The following SPAG9 variants were observed in gnomAD, a reference collection of about 807,000 sequenced individuals.
The protein encoded by SPAG9 is sperm associated antigen 9.
A neutral mutation model predicts 166.5 loss-of-function variants in SPAG9; 35 were observed. The ratio of observed to expected loss-of-function variants is 0.21; its 90% confidence interval spans 0.16 to 0.28. SPAG9 has a LOEUF of 0.28. SPAG9 is among the 10% of genes least tolerant of loss of function. The probability of loss-of-function intolerance (pLI) is 1.00; values close to 1 mark genes in which losing one functional copy is unlikely to be tolerated. For synonymous variants in SPAG9, 534 were observed against 565.5 expected (o/e 0.94, Z 0.79); for missense variants, 1,235 against 1,603.3 (o/e 0.77, Z 3.92).
chr17:51,073,906 G>A (rs539683010), intron 2 of SPAG9, among the ~76,000 whole-genome samples: 1 of 151,554 alleles, frequency 6.6e-6, no homozygotes, highest in African/African-American at 2.4e-5. Flanking sequence ...TTCGAGACCA[G>A]CCTGGCCAAT....
intron 27 of SPAG9, among the ~76,000 whole-genome samples, chr17:50,976,115 T>C (rs1974188500): frequency 6.6e-6 from 1 of 152,084 alleles, no homozygotes; most frequent in Admixed American, 6.5e-5. Flanking sequence ...AAGGAAAATC[T>C]GATTTATGGT....
chr17:51,094,178 G>A (rs1044200293), intron 1 of SPAG9, among the ~76,000 whole-genome samples: 3 of 152,184 alleles, frequency 2.0e-5, no homozygotes, highest in Non-Finnish European at 2.9e-5. Flanking sequence ...ATTGAAATCT[G>A]GGTTGCCAAG....
chr17:51,084,647 G>C (rs1018032647), intron 1 of SPAG9, among the ~76,000 whole-genome samples: 3 of 152,084 alleles, frequency 2.0e-5, no homozygotes, highest in Admixed American at 2.0e-4. Context: ...GACCTCAAGC[G>C]ATCTGCCTGT....
chr17:50,999,816 A>G (rs2044851708), intron 13 of SPAG9, 99 bp from the exon 14 acceptor site: 1 of 908,444 alleles, frequency 1.1e-6, no homozygotes, highest in Middle Eastern at 2.2e-4. Flanking sequence ...GGATACACAG[A>G]GGGGAGTCAA....
At chr17:51,089,020 T>A (rs1043198038) in intron 1 of SPAG9, among the ~76,000 whole-genome samples, 2 of 146,200 alleles carry the variant, frequency 1.4e-5, no homozygotes, top group Non-Finnish European at 1.5e-5. Context: ...TTGAACCTGG[T>A]AGGCAGGGGT....
intron 1 of SPAG9, chr17:51,085,561 A>G (rs2048282816): frequency 6.6e-6 from 1 of 152,226 alleles, no homozygotes; most frequent in Non-Finnish European, 1.5e-5. Flanking sequence ...TATTATCTCC[A>G]AAGAGAAATC....
intron 2 of SPAG9, among the ~76,000 whole-genome samples, chr17:51,075,868 T>C (rs1427315878): frequency 1.3e-5 from 2 of 150,554 alleles, no homozygotes; most frequent in South Asian, 2.1e-4. Context: ...GGCCGAGGCA[T>C]GTGGATCACG....
intron 1 of SPAG9, among the ~76,000 whole-genome samples, chr17:51,116,048 T>C (rs2049279189): frequency 6.6e-6 from 1 of 152,032 alleles, no homozygotes; most frequent in African/African-American, 2.4e-5. Context: ...TCTTTTTTTT[T>C]TCTTTTTTCT....
chr17:51,046,355 A>G, intron 4 of SPAG9: 1 of 621,316 alleles, frequency 1.6e-6, no homozygotes, highest in Non-Finnish European at 2.8e-6. Flanking sequence ...TCTATAAATT[A>G]CTATAAATTA....
At position 50,964,116 on chromosome 17, in the gene SPAG9, A is replaced by G. The variant is rs1352665178; in HGVS notation, c.*2156T>C. 6.6e-6 allele frequency: 1 copy of G among 152,096 alleles called. No individual in the cohort carries two copies. The highest frequency in any genetic ancestry group is 1.5e-5 in the Non-Finnish European group (1 of 68,034). The allele number at this position is 152,096 out of a possible 1,614,324, so 9.4% of individuals were successfully genotyped here. A position where few individuals can be genotyped will look rare whatever the true frequency, so the allele number is the denominator to read the frequency against. The stretch of plus-strand genomic sequence containing the variant: ...GTGTATATGCATAAAAGCCACTGGT[A>G]TACTTTTTACAGACATCTTTGTATA... On this transcript the variant is annotated 3_prime_UTR_variant, in exon 30 of 30. Coordinates refer to ENST00000262013, the MANE Select transcript of SPAG9 (RefSeq NM_001130528.3).
At chr17:51,108,386 C>CAA (rs71355710) in intron 1 of SPAG9, among the ~76,000 whole-genome samples, 45 of 119,306 alleles carry the variant, frequency 3.8e-4, no homozygotes, top group South Asian at 1.9e-3. Context: ...AAGACTGTCT[C>CAA]AAAAAAAAAA....
At chr17:50,994,624 G>A (rs1975910521) in intron 18 of SPAG9, among the ~76,000 whole-genome samples, 1 of 152,076 alleles carries the variant, frequency 6.6e-6, no homozygotes, top group East Asian at 1.9e-4. Context: ...TGGTGTGGGT[G>A]TGTAGTCCCA....
At chr17:51,103,611 A>T (rs1598187450) in intron 1 of SPAG9, among the ~76,000 whole-genome samples, 1 of 152,196 alleles carries the variant, frequency 6.6e-6, no homozygotes, top group Non-Finnish European at 1.5e-5. Context: ...TTAGGAACTT[A>T]AGTCATTTTC....
intron 1 of SPAG9, among the ~76,000 whole-genome samples, chr17:51,095,977 A>ATAGT (rs1212925700): frequency 4.1e-5 from 1 of 24,566 alleles, no homozygotes; most frequent in African/African-American, 3.3e-4. Flanking sequence ...ATATAGTGAT[A>ATAGT]TATATATATA....
At chr17:50,969,457 T>C (rs1002349463) in intron 29 of SPAG9, among the ~76,000 whole-genome samples, 3 of 152,164 alleles carry the variant, frequency 2.0e-5, no homozygotes, top group Admixed American at 2.0e-4. Flanking sequence ...CATTCACTTG[T>C]TCCCAACTCA....
intron 26 of SPAG9, among the ~76,000 whole-genome samples, chr17:50,979,213 GAA>G (rs747797287): frequency 6.6e-5 from 9 of 135,350 alleles, no homozygotes; most frequent in Admixed American, 7.4e-5. Context: ...ATTTCTACAG[GAA>G]AAAAAAAAAA....
At chr17:51,041,754 C>T (rs765998658) in intron 4 of SPAG9, 103 bp from the exon 5 acceptor site, 5 of 1,074,768 alleles carry the variant, frequency 4.7e-6, no homozygotes, top group Non-Finnish European at 6.8e-6. Context: ...TTACAACCAT[C>T]ACTCAAAAAT....
intron 1 of SPAG9, among the ~76,000 whole-genome samples, chr17:51,095,122 C>T (rs559719012): frequency 2.6e-5 from 4 of 151,392 alleles, no homozygotes; most frequent in African/African-American, 2.4e-5. Flanking sequence ...TGTGAAACCC[C>T]GTCTCTACTA....
chr17:51,078,240 G>T (rs1302997713), intron 2 of SPAG9, among the ~76,000 whole-genome samples: 2 of 152,170 alleles, frequency 1.3e-5, no homozygotes, highest in African/African-American at 4.8e-5. Flanking sequence ...GTTGGCTTCT[G>T]TTACCAAACA....
Sources: allele counts gnomAD v4.1 joint callset (sites outside exome capture counted in the v4.1 genomes callset), GRCh38; gene constraint gnomAD v4.1.1; transcripts MANE v1.5; gene names NCBI Gene and HGNC (gene_info 2026-07-23, HGNC 2026-07-21).